FAT3: variants seen among roughly 807,000 people sequenced by gnomAD.
FAT3 encodes protocadherin Fat 3.
In FAT3, 95 loss-of-function variants were observed where a neutral mutation model predicts 310.2. The observed-to-expected ratio is 0.31, with a 90% CI of 0.26 to 0.36. The LOEUF is 0.36. Among genes scored for constraint, FAT3 ranks in the 10% least tolerant of loss-of-function variants. FAT3 has a pLI of 1.00. For missense variants in FAT3, 5,408 were observed against 5,715.6 expected (o/e 0.95, Z 1.74); for synonymous variants, 2,314 against 2,192.9 (o/e 1.06, Z -1.54).
intron 2 of FAT3, among the ~76,000 whole-genome samples, chr11:92,380,057 T>G (rs922542863): frequency 6.8e-6 from 1 of 146,118 alleles, no homozygotes; most frequent in African/African-American, 2.5e-5. Context: ...CAGAATGCCA[T>G]CATGCAAACT....
At chr11:92,786,646 AT>A (rs1946901075) in intron 7 of FAT3, among the ~76,000 whole-genome samples, 1 of 152,176 alleles carries the variant, frequency 6.6e-6, no homozygotes, top group Non-Finnish European at 1.5e-5. Context: ...CTTATATATT[AT>A]TATGGGAATG....
At chr11:92,741,716 C>G (rs112470413) in intron 4 of FAT3, among the ~76,000 whole-genome samples, 1 of 152,110 alleles carries the variant, frequency 6.6e-6, no homozygotes, top group Non-Finnish European at 1.5e-5. Context: ...CCAAGATGAA[C>G]CATCTTTCTG....
chr11:92,570,990 A>T (rs1257601445), intron 3 of FAT3, among the ~76,000 whole-genome samples: 1 of 152,212 alleles, frequency 6.6e-6, no homozygotes, highest in Admixed American at 6.6e-5. Context: ...AGTGGTCAGT[A>T]AAAGTTATTA....
At chr11:92,769,810 G>T (rs949127049) in intron 6 of FAT3, among the ~76,000 whole-genome samples, 3 of 152,164 alleles carry the variant, frequency 2.0e-5, no homozygotes, top group Admixed American at 6.5e-5. Flanking sequence ...TTTGTCATAG[G>T]TTCCTTCAAA....
chr11:92,612,709 C>T (rs977668488), intron 3 of FAT3, among the ~76,000 whole-genome samples: 4 of 152,110 alleles, frequency 2.6e-5, no homozygotes, highest in Non-Finnish European at 4.4e-5. Context: ...AAATAAAATA[C>T]GTTTCAAGGA....
At chr11:92,851,959 AAGG>A (rs1364259900) in intron 19 of FAT3, among the ~76,000 whole-genome samples, 2 of 152,208 alleles carry the variant, frequency 1.3e-5, no homozygotes, top group Non-Finnish European at 2.9e-5. Context: ...ACTTCCTGAA[AAGG>A]AGATGACAGA....
chr11:92,697,492 A>G (rs1278612960), intron 4 of FAT3, 47 bp downstream of exon 4: 1 of 1,558,396 alleles, frequency 6.4e-7, no homozygotes. Flanking sequence ...GACTTTCACT[A>G]AACTTCTTTA....
intron 3 of FAT3, among the ~76,000 whole-genome samples, chr11:92,597,171 A>T (rs1449006858): frequency 1.3e-5 from 2 of 152,190 alleles, no homozygotes; most frequent in African/African-American, 4.8e-5. Flanking sequence ...GAATTTTCTT[A>T]TGACTGTATT....
At chr11:92,679,934 G>A (rs1943425627) in intron 3 of FAT3, among the ~76,000 whole-genome samples, 1 of 142,428 alleles carries the variant, frequency 7.0e-6, no homozygotes, top group Non-Finnish European at 1.5e-5. Context: ...GTCTATTCAT[G>A]TCCTTTACTC....
At chr11:92,340,921 G>A (rs1440559666) in intron 1 of FAT3, among the ~76,000 whole-genome samples, 3 of 152,132 alleles carry the variant, frequency 2.0e-5, no homozygotes, top group Non-Finnish European at 2.9e-5. Flanking sequence ...TGTGCAGCAG[G>A]ATTTGCGGAG....
At chr11:92,281,191 A>G (rs1490159426) in intron 1 of FAT3, among the ~76,000 whole-genome samples, 1 of 152,140 alleles carries the variant, frequency 6.6e-6, no homozygotes, top group South Asian at 2.1e-4. Flanking sequence ...AAACACATGT[A>G]TATGTCTTTC....
At chr11:92,429,956 T>A (rs1683282899) in intron 2 of FAT3, among the ~76,000 whole-genome samples, 1 of 152,226 alleles carries the variant, frequency 6.6e-6, no homozygotes, top group Non-Finnish European at 1.5e-5. Context: ...TCTGAGATAA[T>A]ATCCTGAAGT....
chr11:92,444,497 G>A (rs746047802), intron 2 of FAT3, among the ~76,000 whole-genome samples: 1 of 152,100 alleles, frequency 6.6e-6, no homozygotes, highest in Non-Finnish European at 1.5e-5. Context: ...CGCAGAGTGA[G>A]TGCTATATAG....
chr11:92,518,128 A>T (rs1208950352), intron 2 of FAT3, among the ~76,000 whole-genome samples: 1 of 152,028 alleles, frequency 6.6e-6, no homozygotes, highest in Non-Finnish European at 1.5e-5. Flanking sequence ...GAAATTTACT[A>T]GACATATACA....
chr11:92,831,145 C>T (rs1948237231), intron 13 of FAT3, among the ~76,000 whole-genome samples: 1 of 152,172 alleles, frequency 6.6e-6, no homozygotes, highest in Non-Finnish European at 1.5e-5. Flanking sequence ...CTCACCACCA[C>T]TACAGCCCCA....
intron 1 of FAT3, among the ~76,000 whole-genome samples, chr11:92,244,072 C>T (rs987462051): frequency 5.3e-5 from 8 of 152,060 alleles, no homozygotes; most frequent in Non-Finnish European, 4.4e-5. Flanking sequence ...GTCAGAATCT[C>T]TTTTTTGTGT....
intron 4 of FAT3, among the ~76,000 whole-genome samples, chr11:92,702,021 G>T (rs956594123): frequency 2.0e-5 from 3 of 152,198 alleles, no homozygotes; most frequent in African/African-American, 7.2e-5. Flanking sequence ...GTGTGCCTGT[G>T]ATTGTATTTT....
Position 92,715,130 on chromosome 11 carries a change from G to T in FAT3, c.3669+17685G>T, listed in dbSNP as rs1243273483. Among the ~76,000 whole-genome samples the T allele has an allele frequency of 3.9e-5, 6 of 152,072 alleles. No individual in the cohort carries two copies. The South Asian group carries it at 6.2e-4, about 16-fold the overall frequency. Reference sequence around the variant, plus strand: ...GGAATATTAAAATTAAATTGGCCGGGTGCGTTGGCTCACACCTGTAATCCC... The same window carrying T: ...GGAATATTAAAATTAAATTGGCCGGTTGCGTTGGCTCACACCTGTAATCCC... On this transcript the variant is annotated intron_variant, in intron 4 of 27. Transcript: ENST00000525166.
intron 1 of FAT3, among the ~76,000 whole-genome samples, chr11:92,239,481 C>T (rs1265395036): frequency 6.6e-6 from 1 of 152,116 alleles, no homozygotes; most frequent in Non-Finnish European, 1.5e-5. Flanking sequence ...TTTTCCTTTC[C>T]AGGCTCTCTG....
Sources: gnomAD v4.1 joint callset for allele counts (sites outside exome capture counted in the v4.1 genomes callset) on GRCh38, gnomAD v4.1.1 for gene constraint, MANE v1.5 for transcripts, NCBI Gene and HGNC (gene_info 2026-07-23, HGNC 2026-07-21) for gene names.